The following INF2 variants were observed in gnomAD, a reference collection of about 807,000 sequenced individuals.
INF2 encodes the protein inverted formin-2.
INF2 carries 43 observed loss-of-function variants against 123.5 expected under a neutral mutation model. The observed-to-expected ratio is 0.35, with a 90% CI of 0.27 to 0.45. The LOEUF (loss-of-function observed/expected upper bound fraction) is 0.45, where lower values mean the gene tolerates loss of function less well. Ranked by LOEUF, INF2 falls within the 20% of genes least tolerant of loss-of-function variation. The pLI, the probability that INF2 is intolerant of heterozygous loss-of-function variation, is 1.00. For missense variants in INF2, 1,453 were observed against 1,682.7 expected, an observed-to-expected ratio of 0.86 and a Z score of 2.39; for synonymous variants, 851 against 745.0, an observed-to-expected ratio of 1.14 and a Z score of -2.32.
rs2140654333 is a variant in INF2 at position 104,704,193 on chromosome 14, C to T, written c.701+244C>T. 6 of 1,428,114 alleles carry T rather than the reference C, an allele frequency of 4.2e-6. No individual in the cohort carries two copies. In the South Asian group the frequency reaches 6.0e-5, roughly 14 times the overall value. The allele number at this position is 1,428,114 out of a possible 1,614,324, so 88.5% of individuals were successfully genotyped here. On this transcript the variant is annotated intron_variant, in intron 5 of 22. Coordinates refer to ENST00000392634, the MANE Select transcript of INF2 (RefSeq NM_022489.4). ...GCAGCCATAGAAAGGACAGAATGAG[C>T]TCATATCCTTTGCACACCGTGGATG...
Position 104,684,027 on chromosome 14 carries a change from AG to A in INF2, c.-104+2448del, listed in dbSNP as rs1888599329. The A allele has an allele frequency of 4.4e-6, 2 of 455,832 alleles. No individual in the cohort carries two copies. The highest frequency in any genetic ancestry group is 2.0e-5 in the African/African-American group (1 of 50,050). 28.2% of individuals were successfully genotyped at this position (455,832 alleles called of 1,614,324 possible). A position where few individuals can be genotyped will look rare whatever the true frequency, so the allele number is the denominator to read the frequency against. ...TCCAGCTCCTCAAATTCCCAACACC[AG>A]GGTTGCAAGGCCCAGTGTCTTCTCA... On this transcript the variant is annotated intron_variant, in intron 1 of 2. Transcript: ENST00000674723. The surrounding 1 kb of genome is among the most constrained non-coding windows in gnomAD (Gnocchi z 5.0).
Position 104,706,059 on chromosome 14 carries a change from G to C in INF2, c.726G>C (p.Leu242=), listed in dbSNP as rs956319736. 2.5e-6 allele frequency: 4 copies of C among 1,612,320 alleles called. No homozygotes were observed. The African/African-American group carries it at 5.3e-5, about 22-fold the overall frequency. Residue 242 remains leucine, a synonymous_variant, in exon 6 of 23, where the codon CTG becomes CTC. Coordinates refer to ENST00000392634, the MANE Select transcript of INF2 (RefSeq NM_022489.4). The stretch of plus-strand genomic sequence containing the variant: ...GAGACCTGGAGGATGCCGACCTGCT[G>C]ATCCAGCTGGAGGCTTTCGAGGAGG... ...RLRDLEDADL[L]IQLEAFEEAK...
chr14:104,706,056 G>A lies in INF2; in HGVS notation c.723G>A (p.Leu241=), dbSNP rs1286404367. 2 of 1,612,394 alleles carry A rather than the reference G, an allele frequency of 1.2e-6. No homozygotes were observed. The highest frequency in any genetic ancestry group is 1.3e-5 in the African/African-American group (1 of 75,058). The change falls in exon 6 of 23, where the codon CTG becomes CTA. Residue 241 remains leucine, a synonymous_variant. Coordinates refer to ENST00000392634, the MANE Select transcript of INF2 (RefSeq NM_022489.4). ...ARLRDLEDAD[L]LIQLEAFEEA... is the part of the protein sequence containing the mutation. ...ACAGAGACCTGGAGGATGCCGACCT[G>A]CTGATCCAGCTGGAGGCTTTCGAGG...
At chr14:104,683,716 G>C (rs141090934) in intron 1 of INF2, among the ~76,000 whole-genome samples, 2 of 151,304 alleles carry the variant, frequency 1.3e-5, no homozygotes, top group African/African-American at 4.9e-5. Flanking sequence ...CAGTCCAGTG[G>C]CCAAAAATCA....
chr14:104,681,278 C>T, exon 1 of INF2: 1 of 372,614 alleles, frequency 2.7e-6, no homozygotes, highest in Non-Finnish European at 5.4e-6. Context: ...CTCATCAATG[C>T]CCCATGCTCA....
intron 13 of INF2, 79 bp downstream of exon 13, chr14:104,710,267 G>C (rs2140680105): frequency 1.0e-6 from 1 of 987,900 alleles, no homozygotes; most frequent in Admixed American, 2.0e-5. Flanking sequence ...CGGGGCCCCT[G>C]CTACTGCCAG....
At chr14:104,711,252 CGTAGAGG>C (rs1890033344) in intron 15 of INF2, 66 bp downstream of exon 15, 3 of 1,333,896 alleles carry the variant, frequency 2.2e-6, no homozygotes, top group Middle Eastern at 2.2e-4. Flanking sequence ...GGTGTAGAGG[CGTAGAGG>C]CCATACCCCC....
upstream of INF2, among the ~76,000 whole-genome samples, chr14:104,686,749 G>C (rs1037615026): frequency 3.3e-5 from 5 of 152,198 alleles, no homozygotes; most frequent in Non-Finnish European, 7.3e-5. Flanking sequence ...GCCTGCAAGT[G>C]GCCGCCTGCT....
rs1555375554 is a variant in INF2 at position 104,714,409 on chromosome 14, A to G, written c.3247A>G (p.Ser1083Gly). 1 of 1,605,746 alleles carries G rather than the reference A, an allele frequency of 6.2e-7. No homozygotes were observed. Among genetic ancestry groups the G allele is most frequent in the Non-Finnish European group, 8.5e-7 (1 of 1,176,546 alleles). Residue 1083 changes from serine to glycine, a missense_variant, in exon 21 of 23, where the codon AGC becomes GGC. Physicochemically the swap from Ser to Gly is moderately conservative, Grantham distance 56. This residue lies in a region of INF2 where 344 missense variants were observed against 333.1 expected (regional missense o/e 1.03). Coordinates refer to ENST00000392634, the MANE Select transcript of INF2 (RefSeq NM_022489.4). ...ERRSSWYVDA[S>G]DVLTTEDPQC... ...GCGTTCTTCCTGGTATGTGGATGCC[A>G]GCGATGTCCTAACCACTGAGGATCC...
chr14:104,696,839 C>A (rs1595157644), intron 1 of INF2, among the ~76,000 whole-genome samples: 1 of 152,192 alleles, frequency 6.6e-6, no homozygotes, highest in East Asian at 1.9e-4. Flanking sequence ...CCTCCCTGCA[C>A]CCCCACCACC....
upstream of INF2, among the ~76,000 whole-genome samples, chr14:104,686,495 G>T (rs1888668633): frequency 6.6e-6 from 1 of 152,026 alleles, no homozygotes; most frequent in Non-Finnish European, 1.5e-5. Context: ...GTGTGGGAAT[G>T]GATGGATGAA....
upstream of INF2, among the ~76,000 whole-genome samples, chr14:104,687,489 C>CAA (rs1888694738): frequency 6.6e-6 from 1 of 151,862 alleles, no homozygotes; most frequent in Admixed American, 6.6e-5. The surrounding 1 kb of genome is among the most constrained non-coding windows in gnomAD (Gnocchi z 5.6). Flanking sequence ...TACACACACA[C>CAA]ACACACAGAC....
chr14:104,712,650 C>G, intron 17 of INF2, 97 bp downstream of exon 17: 1 of 1,577,358 alleles, frequency 6.3e-7, no homozygotes, highest in Non-Finnish European at 8.7e-7. Context: ...CAGGGTGGAT[C>G]CTGGGGCCCG....
chr14:104,706,771 G>A, intron 6 of INF2, 139 bp from the exon 7 acceptor site: 1 of 923,010 alleles, frequency 1.1e-6, no homozygotes, highest in Non-Finnish European at 1.6e-6. Flanking sequence ...CAGTACCACA[G>A]TCGCTGAAAC....
rs1890091008 is a variant in INF2, at chr14:104,712,345, G to A, written c.2490-88G>A. 8 of 1,563,024 alleles carry A rather than the reference G, an allele frequency of 5.1e-6. No individual in the cohort carries two copies. In the South Asian group the frequency reaches 5.7e-5, roughly 11 times the overall value. On this transcript the variant is annotated intron_variant, in intron 16 of 22. Coordinates refer to ENST00000392634, the MANE Select transcript of INF2 (RefSeq NM_022489.4). Reference sequence around the variant, plus strand: ...CAGCCTGCAGGGTGCACAGTGGGGTGCCGGGGGGTGCAGGGGAGGGGCTCC... The same window carrying A: ...CAGCCTGCAGGGTGCACAGTGGGGTACCGGGGGGTGCAGGGGAGGGGCTCC...
chr14:104,715,866 G>A (rs1455135276), intron 22 of INF2: 7 of 457,704 alleles, frequency 1.5e-5, no homozygotes, highest in South Asian at 1.1e-4. Flanking sequence ...AGTCGCAAGG[G>A]CAGATGCTGC....
At chr14:104,714,908 C>T in intron 21 of INF2, 52 bp downstream of exon 21, 1 of 1,459,314 alleles carries the variant, frequency 6.9e-7, no homozygotes, top group African/African-American at 1.4e-5. Context: ...CGCTGGCACC[C>T]AGCCGGTCCC....
At position 104,712,988 on chromosome 14, in the gene INF2, T is replaced by C; in HGVS notation, c.2771T>C (p.Leu924Pro). The C allele has an allele frequency of 1.2e-6, 2 of 1,612,374 alleles. No individual in the cohort carries two copies. The highest frequency in any genetic ancestry group is 1.7e-6 in the Non-Finnish European group (2 of 1,179,772). ...KAFRDLFLRALKENKDRKEQA... is the reference protein window; with the variant it reads ...KAFRDLFLRAPKENKDRKEQA... The stretch of plus-strand genomic sequence containing the variant: ...TTCCGGGACCTTTTCCTCCGCGCCC[T>C]GAAGGTGGGGCAGCCCGGCGGGACA... The change falls in exon 18 of 23, where the codon CTG becomes CCG. Residue 924 changes from leucine (L) to proline (P), a missense_variant. This residue lies in a region of INF2 where 212 missense variants were observed against 266.2 expected (regional missense o/e 0.80). Coordinates refer to ENST00000392634, the MANE Select transcript of INF2 (RefSeq NM_022489.4).
intron 13 of INF2, among the ~76,000 whole-genome samples, chr14:104,710,541 A>C (rs534543671): frequency 2.5e-4 from 38 of 151,882 alleles, no homozygotes; most frequent in African/African-American, 8.7e-4. Context: ...CCACAAGCAC[A>C]GTCACACACA....
Sources: gnomAD v4.1 joint callset for allele counts (sites outside exome capture counted in the v4.1 genomes callset) on GRCh38, gnomAD v4.1.1 for gene constraint, gnomAD v4.1.1 regional missense constraint, Gnocchi (gnomAD v3.1) non-coding constraint, MANE v1.5 for transcripts, NCBI Gene and HGNC (gene_info 2026-07-23, HGNC 2026-07-21) for gene names.